Variants in RB1CC1 observed in about 807,000 individuals in gnomAD.
RB1CC1 encodes RB1 inducible coiled-coil 1.
In RB1CC1, 46 loss-of-function variants were observed where a neutral mutation model predicts 177.5. The ratio of observed to expected loss-of-function variants is 0.26; its 90% confidence interval spans 0.20 to 0.33. RB1CC1 has a LOEUF of 0.33. Ranked by LOEUF, RB1CC1 falls within the 10% of genes least tolerant of loss-of-function variation. The pLI is 1.00. For synonymous variants in RB1CC1, 666 were observed against 613.6 expected (o/e 1.09, Z -1.26); for missense variants, 1,703 against 1,816.3 (o/e 0.94, Z 1.13).
intron 5 of RB1CC1, among the ~76,000 whole-genome samples, chr8:52,682,940 C>T (rs938191213): frequency 6.6e-6 from 1 of 152,054 alleles, no homozygotes; most frequent in Admixed American, 6.5e-5. Context: ...AGCTAATGTT[C>T]AGTAATGTTA....
chr8:52,682,499 C>T (rs555372407), intron 5 of RB1CC1, among the ~76,000 whole-genome samples: 1 of 151,868 alleles, frequency 6.6e-6, no homozygotes, highest in Non-Finnish European at 1.5e-5. Context: ...AGAAATAATG[C>T]CAGCTTATAT....
Position 52,623,335 on chromosome 8 carries a change from A to C in RB1CC1, c.*447T>G. On this transcript the variant is annotated 3_prime_UTR_variant, in exon 24 of 24. Coordinates refer to ENST00000025008, the MANE Select transcript of RB1CC1 (RefSeq NM_014781.5). ...TCTTTATTTTAAATAGTTCTGAATAATTTATACATTTTATAAAGAATGTGT... is the reference window on the plus strand; with the variant it reads ...TCTTTATTTTAAATAGTTCTGAATACTTTATACATTTTATAAAGAATGTGT... 4.5e-6 allele frequency: 1 copy of C among 220,734 alleles called. No individual in the cohort carries two copies. The highest frequency in any genetic ancestry group is 9.2e-6 in the Non-Finnish European group (1 of 108,736). The allele number at this position is 220,734 out of a possible 1,614,324, so 13.7% of individuals were successfully genotyped here. A position where few individuals can be genotyped will look rare whatever the true frequency, so the allele number is the denominator to read the frequency against.
chr8:52,713,643 C>A (rs55932629), intron 1 of RB1CC1, among the ~76,000 whole-genome samples: 3,495 of 152,332 alleles, frequency 0.023, 157 homozygotes, highest in African/African-American at 0.079. Context: ...GAATTAAGGG[C>A]TGATCCCTGG....
At chr8:52,680,914 GGA>G (rs1190090401) in intron 5 of RB1CC1, among the ~76,000 whole-genome samples, 1 of 151,952 alleles carries the variant, frequency 6.6e-6, no homozygotes, top group East Asian at 1.9e-4. Context: ...AAACTGATGG[GGA>G]GAAAGTCCTA....
chr8:52,664,094 A>C (rs1045664522), intron 8 of RB1CC1, among the ~76,000 whole-genome samples: 1 of 152,224 alleles, frequency 6.6e-6, no homozygotes, highest in African/African-American at 2.4e-5. Context: ...GACTCTGTAC[A>C]TCCCTTGGCG....
chr8:52,697,166 T>C (rs190734866), intron 1 of RB1CC1, among the ~76,000 whole-genome samples: 92 of 152,172 alleles, frequency 6.0e-4, no homozygotes, highest in African/African-American at 2.1e-3. Flanking sequence ...AGCAACTATA[T>C]GTACCTACGG....
chr8:52,626,901 T>C (rs1201382773), intron 22 of RB1CC1, among the ~76,000 whole-genome samples: 2 of 151,992 alleles, frequency 1.3e-5, no homozygotes, highest in Non-Finnish European at 2.9e-5. Context: ...AAACAAAAAA[T>C]GGGCATAGTG....
At chr8:52,625,432 C>G (rs1419127472) in intron 22 of RB1CC1, among the ~76,000 whole-genome samples, 1 of 152,096 alleles carries the variant, frequency 6.6e-6, no homozygotes, top group Non-Finnish European at 1.5e-5. Flanking sequence ...CAAAATGTGA[C>G]AAGCCAAGTG....
chr8:52,637,446 T>C (rs1442247554), intron 18 of RB1CC1, among the ~76,000 whole-genome samples: 2 of 152,158 alleles, frequency 1.3e-5, no homozygotes, highest in East Asian at 3.9e-4. Context: ...CAAGGGATCC[T>C]GCTGCCTCAG....
At chr8:52,669,656 C>T (rs1287717733) in intron 7 of RB1CC1, among the ~76,000 whole-genome samples, 1 of 152,172 alleles carries the variant, frequency 6.6e-6, no homozygotes, top group Admixed American at 6.5e-5. Flanking sequence ...TGAACATTTT[C>T]TCACTTTTCT....
intron 5 of RB1CC1, among the ~76,000 whole-genome samples, chr8:52,682,611 T>C (rs1234296216): frequency 6.6e-6 from 1 of 152,180 alleles, no homozygotes; most frequent in African/African-American, 2.4e-5. Flanking sequence ...TTCTAATCAC[T>C]TGAAAATTAT....
chr8:52,653,389 G>C (rs989473635), intron 15 of RB1CC1, among the ~76,000 whole-genome samples: 37 of 152,202 alleles, frequency 2.4e-4, no homozygotes, highest in African/African-American at 8.0e-4. Context: ...AGCCAGAGCA[G>C]TAATTAGAAG....
chr8:52,630,213 G>T (rs1391196334), intron 21 of RB1CC1, among the ~76,000 whole-genome samples: 1 of 152,176 alleles, frequency 6.6e-6, no homozygotes. Flanking sequence ...ATGCTGAAAA[G>T]TTAACTGGAG....
rs775539629 is a variant in RB1CC1, at chr8:52,659,042, T to C, written c.1690-66A>G. ...ACCAAAAACAGACAGCAAATTTATA[T>C]GATTTCTTACTATAATTAAATTTAC... On this transcript the variant is annotated intron_variant, in intron 12 of 23. Transcript: ENST00000025008. 952 of 801,822 alleles carry C rather than the reference T, an allele frequency of 1.2e-3. 3 individuals are homozygous for C. Among genetic ancestry groups the C allele is most frequent in the Non-Finnish European group, 1.5e-3 (787 of 532,468 alleles). 49.7% of individuals were successfully genotyped at this position (801,822 alleles called of 1,614,324 possible). A position where few individuals can be genotyped will look rare whatever the true frequency, so the allele number is the denominator to read the frequency against.
chr8:52,701,360 G>A (rs543165919), intron 1 of RB1CC1, among the ~76,000 whole-genome samples: 1 of 152,112 alleles, frequency 6.6e-6, no homozygotes, highest in East Asian at 1.9e-4. Flanking sequence ...CCTGACCTCA[G>A]GTAATTCACC....
chr8:52,667,437 ATGGGTGGT>A (rs1852161420), intron 8 of RB1CC1, among the ~76,000 whole-genome samples: 1 of 152,236 alleles, frequency 6.6e-6, no homozygotes, highest in African/African-American at 2.4e-5. Flanking sequence ...CTATTCAGCT[ATGGGTGGT>A]TTTGCCACAA....
rs1851059622 is a variant in RB1CC1, at chr8:52,656,091, T to C, written c.3738A>G (p.Leu1246=). 6.2e-7 allele frequency: 1 copy of C among 1,613,512 alleles called. No individual in the cohort carries two copies. Among genetic ancestry groups the C allele is most frequent in the African/African-American group, 1.3e-5 (1 of 74,928 alleles). The part of the protein sequence containing the change: ...CEKDEAIQTA[L]KEFKLEREVV... Reference sequence around the variant, plus strand: ...CTTCTCTCTCCAATTTAAATTCTTTTAGGGCAGTCTGAATAGCTTCATCTT... The same window carrying C: ...CTTCTCTCTCCAATTTAAATTCTTTCAGGGCAGTCTGAATAGCTTCATCTT... Residue 1246 remains leucine, a synonymous_variant, in exon 15 of 24, where the codon CTA becomes CTG. Coordinates refer to ENST00000025008, the MANE Select transcript of RB1CC1 (RefSeq NM_014781.5).
intron 1 of RB1CC1, among the ~76,000 whole-genome samples, chr8:52,712,496 CAAAAAAAA>C (rs5891479): frequency 3.0e-5 from 3 of 100,476 alleles, no homozygotes; most frequent in Admixed American, 1.1e-4. Flanking sequence ...CAGCAAGAGC[CAAAAAAAA>C]AAAAAAAAAA....
chr8:52,706,537 C>G (rs1474105929), intron 1 of RB1CC1, among the ~76,000 whole-genome samples: 2 of 151,544 alleles, frequency 1.3e-5, no homozygotes, highest in Admixed American at 1.3e-4. Context: ...TTGAGACCAT[C>G]CTGGCTAACA....
Sources: allele counts gnomAD v4.1 joint callset (sites outside exome capture counted in the v4.1 genomes callset), GRCh38; gene constraint gnomAD v4.1.1; transcripts MANE v1.5; gene names NCBI Gene and HGNC (gene_info 2026-07-23, HGNC 2026-07-21).